The following UBE2H variants were observed in gnomAD, a reference collection of about 807,000 sequenced individuals.
UBE2H encodes the protein ubiquitin conjugating enzyme E2 H.
UBE2H carries 3 observed loss-of-function variants against 29.0 expected under a neutral mutation model. The ratio of observed to expected loss-of-function variants is 0.10; its 90% CI spans 0.05 to 0.27. UBE2H has a LOEUF of 0.27. Ranked by LOEUF, UBE2H falls within the 10% of genes least tolerant of loss-of-function variation. The probability of loss-of-function intolerance (pLI) is 1.00; values close to 1 mark genes in which losing one functional copy is unlikely to be tolerated. For synonymous variants in UBE2H, 69 were observed against 82.9 expected (o/e 0.83, Z 0.91); for missense variants, 68 against 228.2 (o/e 0.30, Z 4.52).
At chr7:129,903,624 T>C (rs1035556385) in intron 1 of UBE2H, among the ~76,000 whole-genome samples, 1 of 152,122 alleles carries the variant, frequency 6.6e-6, no homozygotes, top group African/African-American at 2.4e-5. Context: ...TATGGCTGCA[T>C]GTGGTGGCTC....
rs544358272 is a variant in UBE2H at position 129,838,067 on chromosome 7, A to G, written c.427+1140T>C. Among the ~76,000 whole-genome samples the G allele has an allele frequency of 2.6e-5, 4 of 152,382 alleles. No homozygotes were observed. In the South Asian group the frequency reaches 8.3e-4, roughly 32 times the overall value. On this transcript the variant is annotated intron_variant, in intron 6 of 6. Coordinates refer to ENST00000355621, the MANE Select transcript of UBE2H (RefSeq NM_003344.4). ...TATGTCAAAATTTTAATATAGTCTCATAACAGCACTTTATCTGGCTGAAAC... is the reference window on the plus strand; with the variant it reads ...TATGTCAAAATTTTAATATAGTCTCGTAACAGCACTTTATCTGGCTGAAAC...
chr7:129,881,074 C>A, intron 1 of UBE2H, 103 bp from the exon 2 acceptor site: 1 of 922,966 alleles, frequency 1.1e-6, no homozygotes, highest in South Asian at 1.8e-5. Flanking sequence ...CAAAATTTGG[C>A]ATGACATTGA....
chr7:129,851,514 T>A (rs552932512), intron 5 of UBE2H, among the ~76,000 whole-genome samples: 1 of 152,308 alleles, frequency 6.6e-6, no homozygotes, highest in East Asian at 1.9e-4. Context: ...ACAAGCCAAG[T>A]GTCCATACGC....
At chr7:129,944,165 G>A (rs1807706089) in intron 1 of UBE2H, among the ~76,000 whole-genome samples, 2 of 151,128 alleles carry the variant, frequency 1.3e-5, no homozygotes, top group South Asian at 2.1e-4. Context: ...GACCATCCTC[G>A]CTAACATGGT....
At chr7:129,906,639 G>A (rs1176185903) in intron 1 of UBE2H, among the ~76,000 whole-genome samples, 1 of 152,076 alleles carries the variant, frequency 6.6e-6, no homozygotes, top group Non-Finnish European at 1.5e-5. Flanking sequence ...ATGTCTTACA[G>A]AGAAAATTCA....
At chr7:129,943,684 T>A (rs1310851495) in intron 1 of UBE2H, among the ~76,000 whole-genome samples, 1 of 152,094 alleles carries the variant, frequency 6.6e-6, no homozygotes, top group Non-Finnish European at 1.5e-5. Flanking sequence ...GCGGATCACC[T>A]GAGGTCAAGA....
At chr7:129,885,199 T>C (rs989296291) in intron 1 of UBE2H, among the ~76,000 whole-genome samples, 8 of 152,210 alleles carry the variant, frequency 5.3e-5, no homozygotes, top group African/African-American at 1.7e-4. Context: ...GTCAACTGAA[T>C]TTAGTTGTAC....
At chr7:129,869,890 A>C (rs1805993228) in intron 3 of UBE2H, among the ~76,000 whole-genome samples, 1 of 151,696 alleles carries the variant, frequency 6.6e-6, no homozygotes, top group South Asian at 2.1e-4. Context: ...ATCACCTACA[A>C]TCTTCCCTTC....
intron 1 of UBE2H, among the ~76,000 whole-genome samples, chr7:129,934,074 C>G (rs1388767691): frequency 6.6e-6 from 1 of 152,218 alleles, no homozygotes; most frequent in East Asian, 1.9e-4. Context: ...GTAATCCCAG[C>G]ACTTTGCGAG....
intron 3 of UBE2H, among the ~76,000 whole-genome samples, chr7:129,873,119 C>T (rs2727489): frequency 0.46 from 69,483 of 150,826 alleles, 17,956 homozygotes; most frequent in East Asian, 0.63. Context: ...CCCGGGTTCA[C>T]GCCATTCTCC....
At chr7:129,835,708 A>C (rs1184007971) in intron 6 of UBE2H, among the ~76,000 whole-genome samples, 1 of 152,186 alleles carries the variant, frequency 6.6e-6, no homozygotes, top group Non-Finnish European at 1.5e-5. Context: ...AAGACTGCTG[A>C]AACGGCTTTT....
intron 1 of UBE2H, among the ~76,000 whole-genome samples, chr7:129,915,488 T>G (rs1380344486): frequency 1.3e-5 from 2 of 152,092 alleles, no homozygotes; most frequent in Non-Finnish European, 2.9e-5. Context: ...GAGCCGAGAT[T>G]GCGCCACTGC....
intron 5 of UBE2H, among the ~76,000 whole-genome samples, chr7:129,848,830 A>G (rs1312011760): frequency 7.6e-6 from 1 of 131,676 alleles, no homozygotes; most frequent in Admixed American, 8.3e-5. Flanking sequence ...CACAAAAACC[A>G]GGTAGCTTTT....
chr7:129,949,065 T>C (rs1047223095), intron 1 of UBE2H: 2 of 456,374 alleles, frequency 4.4e-6, no homozygotes, highest in Non-Finnish European at 8.8e-6. Flanking sequence ...TGCATACGCT[T>C]TTCCAAAACA....
chr7:129,861,189 A>G (rs1584749725), intron 3 of UBE2H, among the ~76,000 whole-genome samples: 1 of 151,760 alleles, frequency 6.6e-6, no homozygotes, highest in East Asian at 1.9e-4. Context: ...ACGCCACTGC[A>G]CTCCAGCCTG....
chr7:129,921,065 A>T (rs946615778), intron 1 of UBE2H, among the ~76,000 whole-genome samples: 2 of 150,262 alleles, frequency 1.3e-5, no homozygotes, highest in African/African-American at 4.9e-5. Flanking sequence ...TTTTTTTTTT[A>T]AAGCTAACAT....
At chr7:129,891,888 AGTGT>A (rs35586367) in intron 1 of UBE2H, among the ~76,000 whole-genome samples, 1 of 150,052 alleles carries the variant, frequency 6.7e-6, no homozygotes, top group Non-Finnish European at 1.5e-5. Context: ...TTATAAATGT[AGTGT>A]GTGTGTGTGT....
At chr7:129,905,401 A>G (rs955843937) in intron 1 of UBE2H, among the ~76,000 whole-genome samples, 1 of 152,180 alleles carries the variant, frequency 6.6e-6, no homozygotes, top group South Asian at 2.1e-4. Flanking sequence ...TTCCAATGAT[A>G]GTATGGGATC....
intron 1 of UBE2H, chr7:129,949,096 G>C (rs1807824168): frequency 2.2e-6 from 1 of 452,070 alleles, no homozygotes; most frequent in African/African-American, 2.0e-5. Flanking sequence ...GCCTTCAGCA[G>C]GGGCCACTGG....
Sources: gnomAD v4.1 joint callset for allele counts (sites outside exome capture counted in the v4.1 genomes callset) on GRCh38, gnomAD v4.1.1 for gene constraint, MANE v1.5 for transcripts, NCBI Gene and HGNC (gene_info 2026-07-23, HGNC 2026-07-21) for gene names.